Variants in ABLIM2 observed in about 807,000 individuals in gnomAD.
ABLIM2 encodes the protein actin binding LIM protein family member 2.
A neutral mutation model predicts 97.7 loss-of-function variants in ABLIM2; 53 were observed. That is an observed-to-expected ratio of 0.54 (90% CI 0.44 to 0.68). The LOEUF (loss-of-function observed/expected upper bound fraction) is 0.68. ABLIM2 is among the 30% of genes least tolerant of loss of function. The probability of loss-of-function intolerance (pLI) is 0.00; values close to 1 mark genes in which losing one functional copy is unlikely to be tolerated. For synonymous variants in ABLIM2, 361 were observed against 345.8 expected, an observed-to-expected ratio of 1.04 and a Z score of -0.49; for missense variants, 835 against 867.2, an observed-to-expected ratio of 0.96 and a Z score of 0.47.
rs552649726 is a variant in ABLIM2, at chr4:8,071,870, C to G, written c.675+5758G>C. 156 of 985,460 alleles carry G rather than the reference C, an allele frequency of 1.6e-4. 2 individuals carry two copies. The South Asian group carries it at 6.4e-3, about 41-fold the overall frequency. The allele number at this position is 985,460 out of a possible 1,614,324, so 61.0% of individuals were successfully genotyped here. On this transcript the variant is annotated intron_variant, in intron 6 of 20. Coordinates refer to ENST00000447017, the MANE Select transcript of ABLIM2 (RefSeq NM_001130083.2). The surrounding 1 kb of genome is among the most constrained non-coding windows in gnomAD (Gnocchi z 6.2). The stretch of plus-strand genomic sequence containing the variant: ...GAGGGTGGACACCCTCACCTTCAGC[C>G]AACAGTCTGTCACCTGCTCCTGCTG...
rs765790016 is a variant in ABLIM2, at chr4:8,124,579, G to A, written c.11-17942C>T. Among the ~76,000 whole-genome samples the A allele has an allele frequency of 8.5e-5, 13 of 152,176 alleles. No homozygotes were observed. The highest frequency in any genetic ancestry group is 1.8e-4 in the Non-Finnish European group (12 of 68,042). On this transcript the variant is annotated intron_variant, in intron 1 of 20. Coordinates refer to ENST00000447017, the MANE Select transcript of ABLIM2 (RefSeq NM_001130083.2). This position sits in a 1 kb window ranked among gnomAD's most constrained non-coding sequence, Gnocchi z 6.1. ...AGGGAGTGTCCGTGGTGTGGTGGGC[G>A]TCAGTGCCTCTTTCCTTTTGATGGC...
chr4:8,034,492 GGGTGGGTGGT>G (rs1199665710), intron 10 of ABLIM2, among the ~76,000 whole-genome samples: 15 of 93,842 alleles, frequency 1.6e-4, no homozygotes, highest in Non-Finnish European at 3.3e-4. Flanking sequence ...GGGTGCAGGT[GGGTGGGTGGT>G]AGGTAGGTGG....
intron 4 of ABLIM2, among the ~76,000 whole-genome samples, chr4:8,084,452 C>T (rs1053818466): frequency 6.6e-6 from 1 of 152,168 alleles, no homozygotes; most frequent in South Asian, 2.1e-4. Flanking sequence ...GGTTTGGGCA[C>T]CCACCCTCTT....
chr4:8,127,341 G>A lies in ABLIM2; in HGVS notation c.11-20704C>T, dbSNP rs1848438754. ...CCCCACAGTGCTGTCCATAGAGAGT[G>A]TCCCCGAAGCCTGCACCCACTGGCG... On this transcript the variant is annotated intron_variant, in intron 1 of 20. Transcript: ENST00000447017. The surrounding 1 kb of genome is among the most constrained non-coding windows in gnomAD (Gnocchi z 7.3). 1.3e-5 allele frequency among the ~76,000 whole-genome samples: 2 copies of A among 152,168 alleles called. No individual in the cohort carries two copies. Among genetic ancestry groups the A allele is most frequent in the South Asian group, 2.1e-4 (1 of 4,824 alleles).
In ABLIM2 at chr4:8,128,168, T is replaced by C. The variant is rs1034581141; in HGVS notation, c.11-21531A>G. Among the ~76,000 whole-genome samples, 6 of 152,152 alleles carry C rather than the reference T, an allele frequency of 3.9e-5. No homozygotes were observed. The highest frequency in any genetic ancestry group is 6.5e-5 in the Admixed American group (1 of 15,284). On this transcript the variant is annotated intron_variant, in intron 1 of 20. Transcript: ENST00000447017. The surrounding 1 kb of genome is among the most constrained non-coding windows in gnomAD (Gnocchi z 4.9). The stretch of plus-strand genomic sequence containing the variant: ...AGGGCTCCTGTTTCTGCCCCCACCT[T>C]CACAGGCCGTCTTCCCTGTGTGTCT...
intron 20 of ABLIM2, among the ~76,000 whole-genome samples, chr4:7,981,063 C>T (rs944776900): frequency 6.6e-6 from 1 of 151,402 alleles, no homozygotes; most frequent in African/African-American, 2.4e-5. Context: ...CCTGCCTTAG[C>T]CTCCCAAGTA....
intron 1 of ABLIM2, among the ~76,000 whole-genome samples, chr4:8,143,075 C>T (rs770240409): frequency 4.0e-5 from 6 of 149,236 alleles, no homozygotes; most frequent in Non-Finnish European, 8.9e-5. Context: ...GGCTCTTGTC[C>T]TTCTTCTCCC....
intron 14 of ABLIM2, among the ~76,000 whole-genome samples, chr4:8,014,924 C>CT (rs72140876): frequency 0.018 from 2,597 of 141,238 alleles, 52 homozygotes; most frequent in African/African-American, 0.049. Context: ...TCCTTTCTTT[C>CT]TTTTTTTTTT....
At chr4:8,102,893 G>A (rs917457412) in intron 2 of ABLIM2, among the ~76,000 whole-genome samples, 10 of 152,198 alleles carry the variant, frequency 6.6e-5, no homozygotes, top group African/African-American at 2.4e-4. Flanking sequence ...ACCGAGTTCT[G>A]GCCAATGAGT....
At chr4:8,099,835 A>T (rs1833613585) in intron 2 of ABLIM2, among the ~76,000 whole-genome samples, 1 of 152,022 alleles carries the variant, frequency 6.6e-6, no homozygotes, top group Admixed American at 6.5e-5. Context: ...ACAGAGTGAG[A>T]CTCCATCTCA....
intron 7 of ABLIM2, among the ~76,000 whole-genome samples, chr4:8,056,027 C>T (rs1483749424): frequency 2.8e-5 from 4 of 140,874 alleles, no homozygotes; most frequent in African/African-American, 2.7e-5. Context: ...GCAGGAGAAT[C>T]GCTTGAACTT....
At chr4:7,983,824 CTG>C (rs1486469132) in intron 18 of ABLIM2, among the ~76,000 whole-genome samples, 8 of 152,340 alleles carry the variant, frequency 5.3e-5, no homozygotes, top group African/African-American at 1.9e-4. Context: ...TGCTTTTCAG[CTG>C]TGATGCTGTC....
Position 8,071,998 on chromosome 4 carries a change from C to T in ABLIM2, c.675+5630G>A, listed in dbSNP as rs1812534794. On this transcript the variant is annotated intron_variant, in intron 6 of 20. Transcript: ENST00000447017. The surrounding 1 kb of genome is among the most constrained non-coding windows in gnomAD (Gnocchi z 6.2). ...GCAGCTCCCCTTCTGCGGAGCCAGG[C>T]TTGTCCCCGCCCGCAGTTCCCACCT... 2.0e-6 allele frequency: 2 copies of T among 985,390 alleles called. No individual in the cohort carries two copies. The highest frequency in any genetic ancestry group is 2.4e-6 in the Non-Finnish European group (2 of 830,012). 61.0% of individuals were successfully genotyped at this position (985,390 alleles called of 1,614,324 possible). A position where few individuals can be genotyped will look rare whatever the true frequency, so the allele number is the denominator to read the frequency against.
rs1797709624 is a variant in ABLIM2, at chr4:8,054,319, G to C, written c.764-73C>G. 6.6e-7 allele frequency: 1 copy of C among 1,524,790 alleles called. No homozygotes were observed. The highest frequency in any genetic ancestry group is 1.7e-5 in the Admixed American group (1 of 57,998). The allele number at this position is 1,524,790 out of a possible 1,614,324, so 94.5% of individuals were successfully genotyped here. On this transcript the variant is annotated intron_variant, in intron 7 of 20. Transcript: ENST00000447017. This position sits in a 1 kb window ranked among gnomAD's most constrained non-coding sequence, Gnocchi z 4.9. ...TTGCAGGGGCCTGTGTGGAAACGCA[G>C]AGGAGGGAGCTGGTCCATGCACAGA...
intron 1 of ABLIM2, among the ~76,000 whole-genome samples, chr4:8,108,923 G>A (rs1364716369): frequency 5.3e-5 from 8 of 152,348 alleles, no homozygotes; most frequent in South Asian, 2.1e-4. Flanking sequence ...CTGTGGGTGC[G>A]ATGGTCTATT....
At chr4:8,011,425 C>T (rs1292836286) in intron 14 of ABLIM2, among the ~76,000 whole-genome samples, 1 of 152,186 alleles carries the variant, frequency 6.6e-6, no homozygotes, top group Non-Finnish European at 1.5e-5. Context: ...TAGGAAAAGA[C>T]AGGAAACTGG....
rs114741744 is a variant in ABLIM2, at chr4:8,153,611, C to T, written c.10+5069G>A. 4.5e-3 allele frequency among the ~76,000 whole-genome samples: 683 copies of T among 152,334 alleles called. 4 individuals carry two copies. The highest frequency in any genetic ancestry group is 0.016 in the African/African-American group (652 of 41,554). On this transcript the variant is annotated intron_variant, in intron 1 of 20. Transcript: ENST00000447017. ...TGCAGCTGCCTGTGCTAAGCTCCCT[C>T]GATGCTGGGAGACACCCCCATCCCA...
intron 16 of ABLIM2, chr4:8,007,734 TC>T (rs1762331838): frequency 1.8e-6 from 2 of 1,099,574 alleles, no homozygotes; most frequent in African/African-American, 3.3e-5. Context: ...GGCCCTGACT[TC>T]CACCCGGCAG....
intron 1 of ABLIM2, among the ~76,000 whole-genome samples, chr4:8,133,507 C>A (rs1161495921): frequency 6.6e-6 from 1 of 152,194 alleles, no homozygotes. Context: ...CACTCCTTGG[C>A]AAACTAGCCT....
Sources: allele counts gnomAD v4.1 joint callset (sites outside exome capture counted in the v4.1 genomes callset), GRCh38; gene constraint gnomAD v4.1.1; non-coding constraint Gnocchi (gnomAD v3.1); transcripts MANE v1.5; gene names NCBI Gene and HGNC (gene_info 2026-07-23, HGNC 2026-07-21).